COP1: variants seen among roughly 807,000 people sequenced by gnomAD.
COP1 encodes COP1 E3 ubiquitin ligase, also known as E3 ubiquitin-protein ligase COP1.
COP1 carries 24 observed loss-of-function variants against 101.3 expected under a neutral mutation model. The ratio of observed to expected loss-of-function variants is 0.24; its 90% CI spans 0.17 to 0.33. COP1 has a LOEUF of 0.33. Among genes scored for constraint, COP1 ranks in the 10% least tolerant of loss-of-function variants. The pLI is 1.00. For missense variants in COP1, 663 were observed against 906.2 expected, an observed-to-expected ratio of 0.73 and a Z score of 3.45; for synonymous variants, 347 against 341.9, an observed-to-expected ratio of 1.01 and a Z score of -0.17.
chr1:176,069,218 T>C (rs1020603707), intron 11 of COP1, among the ~76,000 whole-genome samples: 2 of 151,948 alleles, frequency 1.3e-5, no homozygotes, highest in Non-Finnish European at 2.9e-5. Context: ...GAAAAGAAAT[T>C]ATATGTAATA....
chr1:176,195,558 G>C (rs1189400707), intron 1 of COP1, among the ~76,000 whole-genome samples: 1 of 152,098 alleles, frequency 6.6e-6, no homozygotes, highest in Non-Finnish European at 1.5e-5. Context: ...CGAAGATAAA[G>C]CTTATGGTGG....
intron 11 of COP1, among the ~76,000 whole-genome samples, chr1:176,057,479 C>T (rs928840401): frequency 6.6e-6 from 1 of 152,156 alleles, no homozygotes; most frequent in Non-Finnish European, 1.5e-5. Flanking sequence ...CGATTGCAGG[C>T]GCGCGCCGCC....
intron 18 of COP1, among the ~76,000 whole-genome samples, chr1:175,961,167 T>C (rs1651292517): frequency 6.6e-6 from 1 of 152,220 alleles, no homozygotes; most frequent in Admixed American, 6.5e-5. Context: ...CTCCCTGGCA[T>C]ATCATGGTAT....
chr1:176,115,627 T>C (rs1686059604), intron 9 of COP1, among the ~76,000 whole-genome samples: 1 of 151,702 alleles, frequency 6.6e-6, no homozygotes, highest in Non-Finnish European at 1.5e-5. Context: ...CGCGTGCCTG[T>C]AGTCCCGACT....
chr1:176,154,241 A>G (rs1248712874), intron 5 of COP1, among the ~76,000 whole-genome samples: 1 of 152,158 alleles, frequency 6.6e-6, no homozygotes, highest in Non-Finnish European at 1.5e-5. Flanking sequence ...TGGTCTGTTC[A>G]GGGATTCAAT....
chr1:176,172,545 T>C (rs966629070), intron 3 of COP1, among the ~76,000 whole-genome samples: 2 of 152,180 alleles, frequency 1.3e-5, no homozygotes, highest in African/African-American at 4.8e-5. Context: ...AACCTATCAA[T>C]TAAGTAGGTG....
intron 11 of COP1, among the ~76,000 whole-genome samples, chr1:176,059,672 G>A (rs913832637): frequency 7.9e-5 from 12 of 152,022 alleles, no homozygotes; most frequent in African/African-American, 1.7e-4. Flanking sequence ...TAGTAGAGAC[G>A]GGGTTTCACC....
chr1:176,063,719 C>T (rs368524592), intron 11 of COP1, among the ~76,000 whole-genome samples: 13 of 152,060 alleles, frequency 8.5e-5, no homozygotes, highest in South Asian at 4.1e-4. Flanking sequence ...TAGCTTTTGT[C>T]TTATTTCAGG....
intron 18 of COP1, among the ~76,000 whole-genome samples, chr1:175,948,214 G>A (rs1173540380): frequency 6.6e-6 from 1 of 152,212 alleles, no homozygotes; most frequent in Non-Finnish European, 1.5e-5. Flanking sequence ...ACATGACTGA[G>A]TTTACTAGAG....
At chr1:176,076,746 G>C (rs869093753) in intron 11 of COP1, among the ~76,000 whole-genome samples, 7 of 151,832 alleles carry the variant, frequency 4.6e-5, no homozygotes, top group African/African-American at 1.7e-4. Context: ...GAAAAAAAAA[G>C]AGAAGATCAA....
intron 15 of COP1, chr1:176,018,659 C>T (rs952164471): frequency 1.3e-5 from 2 of 152,056 alleles, no homozygotes; most frequent in African/African-American, 4.8e-5. Context: ...TTTATCCATA[C>T]TAAGTTTATC....
intron 15 of COP1, among the ~76,000 whole-genome samples, chr1:175,994,771 C>T (rs929791827): frequency 2.6e-5 from 4 of 152,156 alleles, no homozygotes; most frequent in African/African-American, 9.7e-5. Context: ...TACAAAGAGA[C>T]TTAGACTCCC....
At chr1:176,125,772 G>T (rs553619922) in intron 8 of COP1, among the ~76,000 whole-genome samples, 5 of 152,134 alleles carry the variant, frequency 3.3e-5, no homozygotes, top group Admixed American at 2.6e-4. Context: ...AATGTCATTG[G>T]TGTTTTGATA....
At chr1:176,107,778 T>A (rs574465271) in intron 9 of COP1, among the ~76,000 whole-genome samples, 1 of 152,274 alleles carries the variant, frequency 6.6e-6, no homozygotes, top group South Asian at 2.1e-4. Context: ...GACAAATAGA[T>A]ACCATATGCC....
At chr1:176,065,209 G>A (rs2149318923) in intron 11 of COP1, among the ~76,000 whole-genome samples, 1 of 152,196 alleles carries the variant, frequency 6.6e-6, no homozygotes, top group South Asian at 2.1e-4. Flanking sequence ...AATCTGTTTA[G>A]GTCAAGTGTT....
chr1:176,046,069 AG>A, intron 12 of COP1, 111 bp downstream of exon 12: 1 of 764,648 alleles, frequency 1.3e-6, no homozygotes, highest in Non-Finnish European at 2.2e-6. Flanking sequence ...GTACAATAAT[AG>A]TGTTCACCAT....
intron 3 of COP1, 122 bp from the exon 4 acceptor site, chr1:176,164,013 C>T (rs912849523): frequency 7.2e-6 from 4 of 553,626 alleles, no homozygotes; most frequent in Admixed American, 7.2e-5. Context: ...TCAAAACATG[C>T]TAAACAGAAA....
In COP1 at chr1:175,988,666, C is replaced by T. The variant is rs185113728; in HGVS notation, c.1848-254G>A. On this transcript the variant is annotated intron_variant, in intron 16 of 19. Transcript: ENST00000367669. ...TGGCCAACATAGCAAAACACCGTCT[C>T]TACTAAAAATACAAAAATTAGTCGG... 519 of 312,932 alleles carry T rather than the reference C, an allele frequency of 1.7e-3. 1 individual carries two copies. Among genetic ancestry groups the T allele is most frequent in the Middle Eastern group, 4.8e-3 (5 of 1,048 alleles). 19.4% of individuals were successfully genotyped at this position (312,932 alleles called of 1,614,324 possible).
chr1:175,950,116 GATT>G (rs1649683890), intron 18 of COP1, among the ~76,000 whole-genome samples: 1 of 151,698 alleles, frequency 6.6e-6, no homozygotes, highest in Non-Finnish European at 1.5e-5. Flanking sequence ...GTAACCTCAG[GATT>G]ACTATGGCAT....
Sources: gnomAD v4.1 joint callset for allele counts (sites outside exome capture counted in the v4.1 genomes callset) on GRCh38, gnomAD v4.1.1 for gene constraint, MANE v1.5 for transcripts, NCBI Gene and HGNC (gene_info 2026-07-23, HGNC 2026-07-21) for gene names.